TOGARAM2: variants seen among roughly 807,000 people sequenced by gnomAD.
The protein encoded by TOGARAM2 is TOG array regulator of axonemal microtubules 2.
In TOGARAM2, 85 loss-of-function variants were observed where a neutral mutation model predicts 93.3. The ratio of observed to expected loss-of-function variants is 0.91; its 90% CI spans 0.76 to 1.09. TOGARAM2 has a LOEUF of 1.09. TOGARAM2 is among the 50% of genes least tolerant of loss of function. The pLI is 0.00. For synonymous variants in TOGARAM2, 593 were observed against 552.8 expected (o/e 1.07, Z -1.02); for missense variants, 1,277 against 1,334.5 (o/e 0.96, Z 0.67).
chr2:29,018,773 T>C (rs1212516607), intron 10 of TOGARAM2, among the ~76,000 whole-genome samples: 1 of 152,160 alleles, frequency 6.6e-6, no homozygotes, highest in Admixed American at 6.5e-5. Flanking sequence ...GAGGTTTAAT[T>C]GGTTCATAGT....
At chr2:29,000,729 C>A (rs759050172) in intron 4 of TOGARAM2, among the ~76,000 whole-genome samples, 3 of 152,176 alleles carry the variant, frequency 2.0e-5, no homozygotes, top group African/African-American at 4.8e-5. Flanking sequence ...CCTGCTGAGC[C>A]TCTCCCTGGA....
Position 29,009,549 on chromosome 2 carries a change from A to T in TOGARAM2, c.831-1906A>T, listed in dbSNP as rs140091672. On this transcript the variant is annotated intron_variant, in intron 6 of 19. Transcript: ENST00000379558. ...CAGAGGTGGGGGCGGGGCGGGATGA[A>T]TGGCAGGGCTAAGCCACGGGGTAGA... Among the ~76,000 whole-genome samples, 384 of 150,340 alleles carry T rather than the reference A, an allele frequency of 2.6e-3. 10 individuals are homozygous for T. The highest frequency in any genetic ancestry group is 0.021 in the Admixed American group (311 of 15,068).
At chr2:28,958,935 T>C (rs1671761752) in intron 1 of TOGARAM2, among the ~76,000 whole-genome samples, 1 of 152,206 alleles carries the variant, frequency 6.6e-6, no homozygotes, top group Admixed American at 6.5e-5. Context: ...CCCTCTGGGA[T>C]TGGCTGAGAG....
intron 6 of TOGARAM2, 86 bp from the exon 7 acceptor site, chr2:29,011,369 C>T (rs1558430816): frequency 7.8e-7 from 1 of 1,287,324 alleles, no homozygotes; most frequent in Non-Finnish European, 1.1e-6. Context: ...GGCCATTGCC[C>T]CATCCTGGAG....
chr2:28,981,887 A>G (rs1346966144), intron 1 of TOGARAM2, among the ~76,000 whole-genome samples: 1 of 152,132 alleles, frequency 6.6e-6, no homozygotes, highest in East Asian at 1.9e-4. Flanking sequence ...TCACAGGGCA[A>G]CAGCTCCCTG....
At chr2:29,022,119 T>G (rs143610008) in intron 10 of TOGARAM2, 39 bp from the exon 11 acceptor site, 41,924 of 1,613,254 alleles carry the variant, frequency 0.026, 657 homozygotes, top group Non-Finnish European at 0.031. Context: ...TTGCCTGTCC[T>G]GCTGCGTGAA....
intron 6 of TOGARAM2, among the ~76,000 whole-genome samples, chr2:29,005,511 GTAAC>G (rs1419151585): frequency 6.8e-6 from 1 of 146,504 alleles, no homozygotes; most frequent in Non-Finnish European, 1.5e-5. Context: ...ATGTGTTTGT[GTAAC>G]TACGTGTGTG....
At chr2:28,977,188 A>G (rs531455112), upstream of TOGARAM2, among the ~76,000 whole-genome samples, 82 of 152,332 alleles carry the variant, frequency 5.4e-4, no homozygotes, top group African/African-American at 1.7e-3. Flanking sequence ...TGGAGGGCAC[A>G]CAGTAATGGT....
chr2:29,005,792 ATGTG>A (rs1224149164), intron 6 of TOGARAM2, among the ~76,000 whole-genome samples: 1 of 127,396 alleles, frequency 7.8e-6, no homozygotes, highest in African/African-American at 3.0e-5. Context: ...CTGTGTGTGC[ATGTG>A]TATGAGTGCA....
At position 29,045,419 on chromosome 2, in the gene TOGARAM2, C is replaced by T; in HGVS notation, c.2722+9C>T. ...CACAGATCGCCTGGCAGGTGAGCACCCCCAGCCCCACCCCACCCCATCTCC... is the reference window on the plus strand; with the variant it reads ...CACAGATCGCCTGGCAGGTGAGCACTCCCAGCCCCACCCCACCCCATCTCC... On this transcript the variant is annotated intron_variant, in intron 19 of 19. Transcript: ENST00000379558. The T allele has an allele frequency of 6.2e-7, 1 of 1,610,854 alleles. No homozygotes were observed. Among genetic ancestry groups the T allele is most frequent in the Non-Finnish European group, 8.5e-7 (1 of 1,178,536 alleles).
intron 12 of TOGARAM2, among the ~76,000 whole-genome samples, chr2:29,023,817 C>T (rs1396040856): frequency 1.3e-5 from 2 of 152,196 alleles, no homozygotes; most frequent in East Asian, 3.8e-4. Flanking sequence ...CCTCAGTCAG[C>T]ACTACTGTGC....
intron 16 of TOGARAM2, 99 bp downstream of exon 16, chr2:29,033,662 G>A: frequency 9.3e-7 from 1 of 1,075,264 alleles, no homozygotes; most frequent in South Asian, 1.5e-5. Context: ...TGGACATATG[G>A]ATCTGGGGTA....
At chr2:29,016,746 C>A (rs994030184) in intron 8 of TOGARAM2, among the ~76,000 whole-genome samples, 1 of 152,264 alleles carries the variant, frequency 6.6e-6, no homozygotes, top group African/African-American at 2.4e-5. Context: ...AGTGTCCACC[C>A]CCTGACTGTC....
chr2:29,004,769 C>A (rs1265028640), intron 6 of TOGARAM2, among the ~76,000 whole-genome samples: 1 of 147,300 alleles, frequency 6.8e-6, no homozygotes, highest in Non-Finnish European at 1.5e-5. Flanking sequence ...TGTGTGTGTG[C>A]ATGAGTGCAA....
rs111064038 is a variant in TOGARAM2 at position 29,005,412 on chromosome 2, C to T, written c.830+1730C>T. Among the ~76,000 whole-genome samples the T allele has an allele frequency of 5.0e-4, 71 of 140,826 alleles. 1 individual carries two copies. The highest frequency in any genetic ancestry group is 5.0e-3 in the South Asian group (22 of 4,412). 92.4% of individuals were successfully genotyped at this position (140,826 alleles called of 152,430 possible). On this transcript the variant is annotated intron_variant, in intron 6 of 19. Coordinates refer to ENST00000379558, the MANE Select transcript of TOGARAM2 (RefSeq NM_199280.4). ...TGCATGTATGTGGAGTGTGTGTGTG[C>T]GTGTGTGAGAGCATGCATGTGCGTG...
chr2:28,970,782 A>G (rs995742161), intron 1 of TOGARAM2, among the ~76,000 whole-genome samples: 2 of 152,178 alleles, frequency 1.3e-5, no homozygotes, highest in Admixed American at 6.5e-5. Flanking sequence ...TGTGGCTCCG[A>G]GGGAGTGCAC....
intron 1 of TOGARAM2, among the ~76,000 whole-genome samples, chr2:28,967,742 A>G (rs1671886667): frequency 6.6e-6 from 1 of 151,450 alleles, no homozygotes; most frequent in African/African-American, 2.4e-5. Context: ...TTCCTCATCT[A>G]CAAAGCAAAG....
chr2:29,039,574 G>A (rs545101349), intron 18 of TOGARAM2, among the ~76,000 whole-genome samples: 1 of 152,330 alleles, frequency 6.6e-6, no homozygotes, highest in East Asian at 1.9e-4. Context: ...CAGGCTGGGT[G>A]GGGTTGAATG....
chr2:28,998,174 C>T lies in TOGARAM2; in HGVS notation c.60C>T (p.Cys20=), dbSNP rs72786173. ...AKVLVPVAVY[C]GSIPRTSAGP... ...TCCTGGTCCCCGTGGCCGTGTACTG[C>T]GGGAGCATCCCTCGGACCAGTGCTG... The change falls in exon 3 of 20, where the codon TGC becomes TGT. Residue 20 remains cysteine (C), a synonymous_variant. Transcript: ENST00000379558. 0.03 allele frequency: 48,538 copies of T among 1,610,722 alleles called. 861 individuals carry two copies. Among genetic ancestry groups the T allele is most frequent in the Non-Finnish European group, 0.034 (39,963 of 1,178,596 alleles).
Sources: gnomAD v4.1 joint callset for allele counts (sites outside exome capture counted in the v4.1 genomes callset) on GRCh38, gnomAD v4.1.1 for gene constraint, MANE v1.5 for transcripts, NCBI Gene and HGNC (gene_info 2026-07-23, HGNC 2026-07-21) for gene names.